The following DENND1A variants were observed in gnomAD, a reference collection of about 807,000 sequenced individuals.
DENND1A encodes the protein DENN domain containing 1A.
A neutral mutation model predicts 113.7 loss-of-function variants in DENND1A; 51 were observed. That is an observed-to-expected ratio of 0.45 (90% CI 0.36 to 0.57). The LOEUF (loss-of-function observed/expected upper bound fraction) is 0.57. Ranked by LOEUF, DENND1A falls within the 20% of genes least tolerant of loss-of-function variation. The probability of loss-of-function intolerance (pLI) is 0.00; values close to 1 mark genes in which losing one functional copy is unlikely to be tolerated. For missense variants in DENND1A, 1,258 were observed against 1,395.9 expected, an observed-to-expected ratio of 0.90 and a Z score of 1.57; for synonymous variants, 565 against 570.8, an observed-to-expected ratio of 0.99 and a Z score of 0.14.
At chr9:123,652,403 G>A (rs2062707704) in intron 8 of DENND1A, 5 of 298,498 alleles carry the variant, frequency 1.7e-5, no homozygotes, top group South Asian at 1.0e-4. Flanking sequence ...TCCTAAAGGT[G>A]AGCAGAACAG....
In DENND1A at chr9:123,532,102, T is replaced by C. The variant is rs945474868; in HGVS notation, c.993+25468A>G. Among the ~76,000 whole-genome samples the C allele has an allele frequency of 7.9e-5, 12 of 152,352 alleles. No homozygotes were observed. In the South Asian group the frequency reaches 1.2e-3, roughly 16 times the overall value. ...AGAATTTTTCATAGGTGAAACCCTGTACAATCAAATGAATCAAATGAAATG... is the reference window on the plus strand; with the variant it reads ...AGAATTTTTCATAGGTGAAACCCTGCACAATCAAATGAATCAAATGAAATG... On this transcript the variant is annotated intron_variant, in intron 13 of 23. Coordinates refer to ENST00000394215, the MANE Select transcript of DENND1A (RefSeq NM_001352964.2).
chr9:123,677,847 G>A (rs1002269478), intron 5 of DENND1A, among the ~76,000 whole-genome samples: 26 of 152,168 alleles, frequency 1.7e-4, no homozygotes, highest in African/African-American at 6.3e-4. Context: ...GACTTCTGGG[G>A]CTCTTCACTG....
intron 1 of DENND1A, among the ~76,000 whole-genome samples, chr9:123,928,406 T>C (rs1312045606): frequency 6.6e-6 from 1 of 152,244 alleles, no homozygotes; most frequent in Admixed American, 6.5e-5. Flanking sequence ...GAAATCCAAG[T>C]TTACAACTCT....
intron 5 of DENND1A, among the ~76,000 whole-genome samples, chr9:123,693,413 A>C (rs781708484): frequency 6.6e-6 from 1 of 152,190 alleles, no homozygotes; most frequent in Non-Finnish European, 1.5e-5. Flanking sequence ...GAACACTTCC[A>C]TCACACCCCA....
chr9:123,708,667 G>T (rs541272841), intron 5 of DENND1A, among the ~76,000 whole-genome samples: 50 of 152,224 alleles, frequency 3.3e-4, no homozygotes, highest in Non-Finnish European at 6.2e-4. Flanking sequence ...GTTATGTGGG[G>T]TTTTTTCTTC....
At chr9:123,894,312 G>A (rs939077258) in intron 1 of DENND1A, among the ~76,000 whole-genome samples, 1 of 152,166 alleles carries the variant, frequency 6.6e-6, no homozygotes, top group East Asian at 1.9e-4. Context: ...TATAAATATT[G>A]CTAGGTTTCA....
chr9:123,581,785 C>T lies in DENND1A; in HGVS notation c.867+1384G>A, dbSNP rs142621425. Reference sequence around the variant, plus strand: ...CCCCGACCAGGACACATATGAGCACCACATGGCCAGGAACAACAACCCGTT... The same window carrying T: ...CCCCGACCAGGACACATATGAGCACTACATGGCCAGGAACAACAACCCGTT... On this transcript the variant is annotated intron_variant, in intron 12 of 23. Coordinates refer to ENST00000394215, the MANE Select transcript of DENND1A (RefSeq NM_001352964.2). 2.3e-3 allele frequency among the ~76,000 whole-genome samples: 354 copies of T among 152,292 alleles called. 4 individuals carry two copies. The highest frequency in any genetic ancestry group is 8.2e-3 in the African/African-American group (341 of 41,560).
chr9:123,491,463 C>T (rs964403866), intron 13 of DENND1A, among the ~76,000 whole-genome samples: 14 of 152,174 alleles, frequency 9.2e-5, no homozygotes, highest in South Asian at 2.1e-4. Context: ...GCTGGATACC[C>T]GCATTGTGGG....
At chr9:123,881,039 C>T (rs1848245218) in intron 1 of DENND1A, among the ~76,000 whole-genome samples, 1 of 152,072 alleles carries the variant, frequency 6.6e-6, no homozygotes, top group South Asian at 2.1e-4. Context: ...CGTCATTTCT[C>T]CCCCAGAGAG....
At chr9:123,701,187 G>A (rs1479519952) in intron 5 of DENND1A, among the ~76,000 whole-genome samples, 1 of 152,128 alleles carries the variant, frequency 6.6e-6, no homozygotes, top group African/African-American at 2.4e-5. Flanking sequence ...AAAATTGATA[G>A]AAGGTAGAGC....
intron 13 of DENND1A, among the ~76,000 whole-genome samples, chr9:123,517,863 G>A (rs1050643388): frequency 6.6e-6 from 1 of 152,172 alleles, no homozygotes; most frequent in Non-Finnish European, 1.5e-5. Context: ...CTTGTAAAGA[G>A]AAGTAGCAAA....
intron 21 of DENND1A, 126 bp from the exon 22 acceptor site, chr9:123,387,984 G>T (rs1057168798): frequency 3.3e-5 from 33 of 1,005,278 alleles, no homozygotes; most frequent in Non-Finnish European, 4.3e-5. Flanking sequence ...CCAGCCTGGG[G>T]TGGGGGCTCT....
At chr9:123,857,818 G>A (rs1160957294) in intron 2 of DENND1A, among the ~76,000 whole-genome samples, 1 of 152,114 alleles carries the variant, frequency 6.6e-6, no homozygotes, top group Non-Finnish European at 1.5e-5. Context: ...CCAGCACTTC[G>A]GGAGGCCGAG....
chr9:123,825,391 G>A (rs1332722937), intron 2 of DENND1A, among the ~76,000 whole-genome samples: 1 of 151,622 alleles, frequency 6.6e-6, no homozygotes, highest in Non-Finnish European at 1.5e-5. Context: ...TCTCAAGCTG[G>A]TGACACCCAT....
intron 13 of DENND1A, among the ~76,000 whole-genome samples, chr9:123,516,578 G>A (rs1481569107): frequency 6.6e-6 from 1 of 152,016 alleles, no homozygotes; most frequent in Non-Finnish European, 1.5e-5. Context: ...GGCCATCTAT[G>A]GAATGTTAAT....
intron 9 of DENND1A, among the ~76,000 whole-genome samples, chr9:123,639,777 CAAAAAAAAAAAA>C (rs199515973): frequency 8.7e-6 from 1 of 115,606 alleles, no homozygotes; most frequent in African/African-American, 2.9e-5. Flanking sequence ...AACTCCATCT[CAAAAAAAAAAAA>C]AAAAAAAACA....
At chr9:123,424,598 C>G (rs559109445) in intron 19 of DENND1A, among the ~76,000 whole-genome samples, 1 of 152,312 alleles carries the variant, frequency 6.6e-6, no homozygotes, top group Admixed American at 6.5e-5. Flanking sequence ...TGAATACAAC[C>G]CTCGTTGGCT....
At chr9:123,688,451 T>C (rs1457480484) in intron 5 of DENND1A, among the ~76,000 whole-genome samples, 9 of 152,238 alleles carry the variant, frequency 5.9e-5, no homozygotes. Flanking sequence ...GAGTGGAATA[T>C]GGCATAACTT....
intron 13 of DENND1A, among the ~76,000 whole-genome samples, chr9:123,516,155 C>CACACACAA (rs1452989484): frequency 9.7e-6 from 1 of 103,000 alleles, no homozygotes; most frequent in African/African-American, 5.0e-5. Context: ...CACACACACA[C>CACACACAA]AAAGGTTGGG....
Sources: allele counts gnomAD v4.1 joint callset (sites outside exome capture counted in the v4.1 genomes callset), GRCh38; gene constraint gnomAD v4.1.1; transcripts MANE v1.5; gene names NCBI Gene and HGNC (gene_info 2026-07-23, HGNC 2026-07-21).